Variants in GPM6B observed in about 807,000 individuals in gnomAD.
GPM6B encodes neuronal membrane glycoprotein M6-b.
GPM6B carries 4 observed loss-of-function variants against 27.2 expected under a neutral mutation model. The observed-to-expected ratio is 0.15, with a 90% CI of 0.07 to 0.34. The LOEUF (loss-of-function observed/expected upper bound fraction) is 0.34, where lower values mean the gene tolerates loss of function less well. Ranked by LOEUF, GPM6B falls within the 10% of genes least tolerant of loss-of-function variation. The pLI is 1.00. For missense variants in GPM6B, 183 were observed against 261.9 expected (o/e 0.70, Z 2.08); for synonymous variants, 124 against 103.1 (o/e 1.20, Z -1.23).
At chrX:13,828,647 C>T (rs919931342) in intron 1 of GPM6B, among the ~76,000 whole-genome samples, 2 of 111,350 alleles carry the variant, frequency 1.8e-5, no homozygotes, top group African/African-American at 3.3e-5. Flanking sequence ...TTATTTGCTA[C>T]AGGCCAAGGT....
At chrX:13,841,609 T>C (rs1045569457) in intron 1 of GPM6B, among the ~76,000 whole-genome samples, 1 of 111,249 alleles carries the variant, frequency 9.0e-6, no homozygotes, top group African/African-American at 3.3e-5. Context: ...AAATCCACCC[T>C]CACCCCTTTC....
At chrX:13,820,127 G>A (rs1328724342), upstream of GPM6B, among the ~76,000 whole-genome samples, 2 of 111,628 alleles carry the variant, frequency 1.8e-5, no homozygotes, top group African/African-American at 6.5e-5. Context: ...AGCTGATCGT[G>A]CTTTACAAAG....
chrX:13,864,082 C>T (rs1355595704), intron 1 of GPM6B, among the ~76,000 whole-genome samples: 1 of 111,917 alleles, frequency 8.9e-6, no homozygotes, highest in Non-Finnish European at 1.9e-5. Context: ...CAGATTGAAC[C>T]AACAGAGTAA....
chrX:13,788,470 C>T (rs1419932584), intron 2 of GPM6B, among the ~76,000 whole-genome samples: 2 of 107,901 alleles, frequency 1.9e-5, no homozygotes, highest in Non-Finnish European at 3.8e-5. Context: ...ATCTAGTATC[C>T]AGAATACTTA....
intron 2 of GPM6B, among the ~76,000 whole-genome samples, chrX:13,790,136 G>A (rs1025040379): frequency 2.7e-5 from 3 of 112,359 alleles, no homozygotes; most frequent in African/African-American, 6.5e-5. Flanking sequence ...TTACAGGTGT[G>A]AGCCACCATG....
intron 1 of GPM6B, among the ~76,000 whole-genome samples, chrX:13,879,462 A>T (rs1391749015): frequency 8.9e-6 from 1 of 112,224 alleles, no homozygotes; most frequent in African/African-American, 3.2e-5. Context: ...TAGACTGTTA[A>T]ATTCGACTCA....
At position 13,780,058 on chromosome X, in the gene GPM6B, A is replaced by G. The variant is rs904825220; in HGVS notation, c.526-69T>C. ...AGATGTGTGTCCCCTAAGTGGAAGG[A>G]TTGTGCATTTTCAGGCCCAATACTG... On this transcript the variant is annotated intron_variant, in intron 4 of 7. Coordinates refer to ENST00000316715, the MANE Select transcript of GPM6B (RefSeq NM_001001995.3). The G allele has an allele frequency of 2.8e-5, 27 of 965,859 alleles. No homozygotes were observed. In the African/African-American group the frequency reaches 4.5e-4, roughly 16 times the overall value. The allele number at this position is 965,859 out of a possible 1,213,427, so 79.6% of individuals were successfully genotyped here. A position where few individuals can be genotyped will look rare whatever the true frequency, so the allele number is the denominator to read the frequency against.
chrX:13,816,209 G>A (rs2049231461), intron 1 of GPM6B, among the ~76,000 whole-genome samples: 1 of 111,002 alleles, frequency 9.0e-6, no homozygotes, highest in Admixed American at 9.6e-5. Context: ...TAAGAAATAG[G>A]ACCTTTATCA....
chrX:13,891,568 G>T (rs1230544902), intron 1 of GPM6B, among the ~76,000 whole-genome samples: 1 of 112,601 alleles, frequency 8.9e-6, no homozygotes, highest in Non-Finnish European at 1.9e-5. Context: ...GTTCGCCATT[G>T]TGGACATTTG....
At chrX:13,872,294 C>T (rs2049987570) in intron 1 of GPM6B, among the ~76,000 whole-genome samples, 1 of 107,743 alleles carries the variant, frequency 9.3e-6, no homozygotes, top group Non-Finnish European at 1.9e-5. Context: ...CTTCAGCCTT[C>T]CACGTAGCTA....
chrX:13,849,943 C>G (rs985241105), intron 1 of GPM6B, among the ~76,000 whole-genome samples: 2 of 111,139 alleles, frequency 1.8e-5, no homozygotes, highest in African/African-American at 6.6e-5. Flanking sequence ...CCTGTAGTCC[C>G]ACCAACTCAG....
At chrX:13,873,495 G>A (rs2050002272) in intron 1 of GPM6B, among the ~76,000 whole-genome samples, 1 of 111,901 alleles carries the variant, frequency 8.9e-6, no homozygotes, top group East Asian at 2.8e-4. Context: ...TAGAGCTGGT[G>A]GTTGCCCAAT....
At chrX:13,928,762 T>C (rs1306745179) in intron 1 of GPM6B, among the ~76,000 whole-genome samples, 1 of 112,324 alleles carries the variant, frequency 8.9e-6, no homozygotes, top group East Asian at 2.8e-4. Flanking sequence ...CCAATGCACA[T>C]ACAATATAGC....
At chrX:13,881,655 G>A (rs1412331567) in intron 1 of GPM6B, among the ~76,000 whole-genome samples, 1 of 61,460 alleles carries the variant, frequency 1.6e-5, no homozygotes, top group Non-Finnish European at 3.0e-5. Flanking sequence ...CATGACCCTA[G>A]GAGATAGTTA....
At chrX:13,810,716 C>G (rs1343179713) in intron 1 of GPM6B, among the ~76,000 whole-genome samples, 1 of 104,375 alleles carries the variant, frequency 9.6e-6, no homozygotes, top group Non-Finnish European at 1.9e-5. Context: ...AACATGGCAG[C>G]CATGCCTAAG....
At chrX:13,928,910 G>A (rs1171602303) in intron 1 of GPM6B, among the ~76,000 whole-genome samples, 1 of 111,909 alleles carries the variant, frequency 8.9e-6, no homozygotes, top group Admixed American at 9.5e-5. Flanking sequence ...TCTAGGTTGT[G>A]GGGGCTGGGA....
intron 1 of GPM6B, among the ~76,000 whole-genome samples, chrX:13,856,707 A>T (rs867209725): frequency 9.6e-4 from 93 of 96,458 alleles, no homozygotes; most frequent in African/African-American, 3.5e-3. Flanking sequence ...TTTTTTTATT[A>T]TTTTTTTTTT....
At chrX:13,773,823 G>T in intron 7 of GPM6B, 2 of 219,102 alleles carry the variant, frequency 9.1e-6, no homozygotes, top group Non-Finnish European at 1.3e-5. Flanking sequence ...CTTACATGCA[G>T]CTTGAGAACT....
intron 1 of GPM6B, among the ~76,000 whole-genome samples, chrX:13,893,704 C>T (rs919309735): frequency 8.9e-6 from 1 of 112,193 alleles, no homozygotes; most frequent in Non-Finnish European, 1.9e-5. Context: ...AATAAGGGCT[C>T]ATACACCAAA....
Sources: gnomAD v4.1 joint callset for allele counts (sites outside exome capture counted in the v4.1 genomes callset) on GRCh38, gnomAD v4.1.1 for gene constraint, MANE v1.5 for transcripts, NCBI Gene and HGNC (gene_info 2026-07-23, HGNC 2026-07-21) for gene names.